The following TRIQK variants were observed in gnomAD, a reference collection of about 807,000 sequenced individuals.
TRIQK encodes the protein triple QxxK/R motif-containing protein.
In TRIQK, 10 loss-of-function variants were observed where a neutral mutation model predicts 10.8. The ratio of observed to expected loss-of-function variants is 0.92; its 90% CI spans 0.57 to 1.57. TRIQK has a LOEUF of 1.57. TRIQK is among the 40% of genes most tolerant of loss of function. The pLI, the probability that TRIQK is intolerant of heterozygous loss-of-function variation, is 0.00. For synonymous variants in TRIQK, 33 were observed against 33.7 expected (o/e 0.98, Z 0.07); for missense variants, 107 against 97.7 (o/e 1.09, Z -0.40).
At chr8:93,016,088 T>A (rs947477242) in intron 1 of TRIQK, among the ~76,000 whole-genome samples, 2 of 152,176 alleles carry the variant, frequency 1.3e-5, no homozygotes, top group African/African-American at 4.8e-5. Context: ...AAACTGATGA[T>A]CTTGAATGCT....
chr8:92,946,619 T>C (rs1297991073), intron 2 of TRIQK, among the ~76,000 whole-genome samples: 2 of 152,114 alleles, frequency 1.3e-5, no homozygotes, highest in Non-Finnish European at 2.9e-5. Context: ...ATGAATAAAC[T>C]GCCTAAAGCA....
chr8:92,951,771 T>C (rs1490377885), intron 2 of TRIQK, among the ~76,000 whole-genome samples: 1 of 152,096 alleles, frequency 6.6e-6, no homozygotes, highest in Non-Finnish European at 1.5e-5. Flanking sequence ...CTGGGTACTG[T>C]CAGAGCCTAA....
At chr8:92,912,968 A>C (rs1482155860) in intron 3 of TRIQK, among the ~76,000 whole-genome samples, 1 of 152,158 alleles carries the variant, frequency 6.6e-6, no homozygotes, top group Non-Finnish European at 1.5e-5. Flanking sequence ...AAAGCTAGCC[A>C]GCATTACCTT....
At chr8:92,923,382 T>G (rs1042331966) in intron 2 of TRIQK, among the ~76,000 whole-genome samples, 1 of 151,796 alleles carries the variant, frequency 6.6e-6, no homozygotes, top group South Asian at 2.1e-4. Context: ...TATATTAGCA[T>G]GTACAATACC....
chr8:92,892,046 A>AG lies in TRIQK; in HGVS notation c.89dup (p.Ile31TyrfsTer48). ...CTTTTAATTTGGTTGCTCGTAAAATAGGTTTAGTTTTTTTATAATCCTGTT... is the reference window on the plus strand; with the variant it reads ...CTTTTAATTTGGTTGCTCGTAAAATAGGGTTTAGTTTTTTTATAATCCTGTT... On this transcript the variant is annotated frameshift_variant, in exon 4 of 5. Transcript: ENST00000521988. LOFTEE classifies it high-confidence loss of function. The AG allele has an allele frequency of 6.5e-7, 1 of 1,533,020 alleles. No individual in the cohort carries two copies. Among genetic ancestry groups the AG allele is most frequent in the Non-Finnish European group, 8.7e-7 (1 of 1,143,918 alleles). The allele number at this position is 1,533,020 out of a possible 1,614,324, so 95.0% of individuals were successfully genotyped here. A position where few individuals can be genotyped will look rare whatever the true frequency, so the allele number is the denominator to read the frequency against.
chr8:92,913,899 C>A (rs897823123), intron 3 of TRIQK, among the ~76,000 whole-genome samples: 9 of 152,022 alleles, frequency 5.9e-5, no homozygotes, highest in African/African-American at 2.2e-4. Flanking sequence ...TGTTCTCATG[C>A]ATAAGTGGGG....
intron 1 of TRIQK, among the ~76,000 whole-genome samples, chr8:92,957,638 CTA>C (rs1054697096): frequency 4.4e-4 from 67 of 151,980 alleles, no homozygotes; most frequent in African/African-American, 1.6e-3. Flanking sequence ...TGGTCTATAA[CTA>C]AACTTCTATC....
intron 1 of TRIQK, among the ~76,000 whole-genome samples, chr8:92,972,101 G>A (rs1286448502): frequency 3.3e-5 from 5 of 151,952 alleles, no homozygotes; most frequent in Non-Finnish European, 7.4e-5. Flanking sequence ...TATTATGCCT[G>A]TTGTTTCTAC....
At chr8:92,988,346 G>A (rs1225064438) in intron 1 of TRIQK, among the ~76,000 whole-genome samples, 1 of 151,932 alleles carries the variant, frequency 6.6e-6, no homozygotes, top group Non-Finnish European at 1.5e-5. Context: ...TACCCAAAAG[G>A]TGAACTCATA....
chr8:92,929,776 G>A (rs928517757), intron 2 of TRIQK, among the ~76,000 whole-genome samples: 6 of 152,106 alleles, frequency 3.9e-5, no homozygotes, highest in Non-Finnish European at 5.9e-5. Context: ...TTTCAAGTAC[G>A]AAAATGATTG....
chr8:92,999,229 A>T (rs572778546), intron 1 of TRIQK, among the ~76,000 whole-genome samples: 1 of 152,254 alleles, frequency 6.6e-6, no homozygotes, highest in Non-Finnish European at 1.5e-5. Context: ...TATTAAACCT[A>T]TGTTACAGTT....
intron 2 of TRIQK, chr8:92,954,027 A>C (rs1054363075): frequency 2.6e-4 from 39 of 151,932 alleles, no homozygotes; most frequent in African/African-American, 8.7e-4. Context: ...CAGTGACTAA[A>C]ACCAATACAT....
chr8:93,009,078 C>T (rs1198319080), intron 1 of TRIQK, among the ~76,000 whole-genome samples: 4 of 152,116 alleles, frequency 2.6e-5, no homozygotes, highest in African/African-American at 9.7e-5. Flanking sequence ...CATATTCATC[C>T]CCTGAAAACA....
chr8:92,960,122 G>A (rs1812375856), intron 1 of TRIQK, among the ~76,000 whole-genome samples: 2 of 151,794 alleles, frequency 1.3e-5, no homozygotes, highest in Non-Finnish European at 2.9e-5. Flanking sequence ...TTCAGCTCAG[G>A]AAAGTTTTTT....
At position 92,910,350 on chromosome 8, in the gene TRIQK, GAAAGA is replaced by G. The variant is rs896150085; in HGVS notation, c.61+6574_61+6578del. 1.2e-3 allele frequency among the ~76,000 whole-genome samples: 174 copies of G among 148,204 alleles called. 1 individual carries two copies. Among genetic ancestry groups the G allele is most frequent in the African/African-American group, 4.0e-3 (162 of 40,576 alleles). On this transcript the variant is annotated intron_variant, in intron 3 of 4. Coordinates refer to ENST00000521988, the MANE Select transcript of TRIQK (RefSeq NM_001171797.2). Reference sequence around the variant, plus strand: ...TCTCCTCTCCCTTTCCCAAAACAAGGAAAGAAAAGAAAAGAAAAAAAAGGAATGGA... The same window carrying G: ...TCTCCTCTCCCTTTCCCAAAACAAGGAAAGAAAAGAAAAAAAAGGAATGGA...
intron 2 of TRIQK, among the ~76,000 whole-genome samples, chr8:92,947,986 T>C (rs1381656320): frequency 2.0e-5 from 3 of 152,324 alleles, no homozygotes; most frequent in Admixed American, 1.3e-4. Context: ...CTGAAACAAA[T>C]GCACATAGGG....
chr8:92,923,609 A>G (rs572232634), intron 2 of TRIQK, among the ~76,000 whole-genome samples: 1 of 152,058 alleles, frequency 6.6e-6, no homozygotes, highest in Non-Finnish European at 1.5e-5. Context: ...ACTTGATAAC[A>G]CATATTTAAA....
At chr8:92,917,245 A>T (rs1809912221) in intron 2 of TRIQK, among the ~76,000 whole-genome samples, 1 of 152,010 alleles carries the variant, frequency 6.6e-6, no homozygotes, top group Non-Finnish European at 1.5e-5. Flanking sequence ...CTTATCAAGT[A>T]CTATCAGTGT....
At chr8:92,895,215 G>A (rs1260113940) in intron 3 of TRIQK, among the ~76,000 whole-genome samples, 1 of 152,130 alleles carries the variant, frequency 6.6e-6, no homozygotes, top group African/African-American at 2.4e-5. Flanking sequence ...CCTTGCCAGA[G>A]GCAGGCCCCT....
Sources: allele counts gnomAD v4.1 joint callset (sites outside exome capture counted in the v4.1 genomes callset), GRCh38; gene constraint gnomAD v4.1.1; transcripts MANE v1.5; gene names NCBI Gene and HGNC (gene_info 2026-07-23, HGNC 2026-07-21).